The following PCDH11X variants were observed in gnomAD, a reference collection of about 807,000 sequenced individuals.
PCDH11X encodes protocadherin-11 X-linked.
A neutral mutation model predicts 53.3 loss-of-function variants in PCDH11X; 18 were observed. The ratio of observed to expected loss-of-function variants is 0.34; its 90% CI spans 0.23 to 0.50. The LOEUF (loss-of-function observed/expected upper bound fraction) is 0.50. Among genes scored for constraint, PCDH11X ranks in the 20% least tolerant of loss-of-function variants. The pLI is 0.98. For synonymous variants in PCDH11X, 279 were observed against 393.3 expected, an observed-to-expected ratio of 0.71 and a Z score of 3.44; for missense variants, 570 against 1,032.4, an observed-to-expected ratio of 0.55 and a Z score of 6.14.
At chrX:92,465,718 T>C (rs1446654729) in intron 9 of PCDH11X, among the ~76,000 whole-genome samples, 1 of 111,626 alleles carries the variant, frequency 9.0e-6, no homozygotes, top group Non-Finnish European at 1.9e-5. Context: ...AATATGTGTG[T>C]ATGCGATAAT....
At chrX:91,955,099 G>A (rs1324923487) in intron 6 of PCDH11X, among the ~76,000 whole-genome samples, 5 of 111,657 alleles carry the variant, frequency 4.5e-5, no homozygotes, top group Non-Finnish European at 9.4e-5. Flanking sequence ...TTTATATTAA[G>A]TCTTTAATCC....
intron 6 of PCDH11X, among the ~76,000 whole-genome samples, chrX:92,182,201 A>T (rs1281788860): frequency 9.0e-6 from 1 of 111,650 alleles, no homozygotes; most frequent in Non-Finnish European, 1.9e-5. Context: ...GGACATTTAA[A>T]ATTTGACTGA....
chrX:91,785,360 T>C (rs1935301231), intron 1 of PCDH11X, among the ~76,000 whole-genome samples: 1 of 108,133 alleles, frequency 9.2e-6, no homozygotes, highest in African/African-American at 3.4e-5. Flanking sequence ...CATGTCAACA[T>C]ACAGTTACCA....
chrX:92,023,548 A>G lies in PCDH11X; in HGVS notation c.3033+144275A>G, dbSNP rs768756079. Among the ~76,000 whole-genome samples the G allele has an allele frequency of 3.1e-4, 34 of 110,512 alleles. No individual in the cohort carries two copies. In the East Asian group the frequency reaches 8.9e-3, roughly 29 times the overall value. On this transcript the variant is annotated intron_variant, in intron 6 of 10. Coordinates refer to ENST00000682573, the MANE Select transcript of PCDH11X (RefSeq NM_032968.5). ...TAGCCTACCAACCAAAAAAAAGCCCAGGACCAGATAAATTCAAAACTGAAT... is the reference window on the plus strand; with the variant it reads ...TAGCCTACCAACCAAAAAAAAGCCCGGGACCAGATAAATTCAAAACTGAAT...
chrX:92,225,265 A>T, intron 7 of PCDH11X, among the ~76,000 whole-genome samples: 1 of 109,249 alleles, frequency 9.2e-6, no homozygotes, highest in African/African-American at 3.3e-5. Flanking sequence ...TGCTGGTTTA[A>T]TAGTTTTTAG....
chrX:92,475,571 G>T (rs1340513800), intron 10 of PCDH11X, among the ~76,000 whole-genome samples: 1 of 111,819 alleles, frequency 8.9e-6, no homozygotes, highest in Admixed American at 9.5e-5. Flanking sequence ...TATGTTATTT[G>T]TTTGTTTTCT....
At chrX:92,308,860 A>G (rs1603265450) in intron 8 of PCDH11X, among the ~76,000 whole-genome samples, 1 of 110,785 alleles carries the variant, frequency 9.0e-6, no homozygotes, top group East Asian at 2.8e-4. Context: ...TAATATATAA[A>G]TTGCTAATAA....
chrX:92,356,592 G>A (rs1326840200), intron 8 of PCDH11X, among the ~76,000 whole-genome samples: 3 of 76,174 alleles, frequency 3.9e-5, no homozygotes, highest in African/African-American at 1.4e-4. Flanking sequence ...TAATGTGGGT[G>A]GGACTGCCTC....
At chrX:92,160,649 T>C (rs1349533226) in intron 6 of PCDH11X, among the ~76,000 whole-genome samples, 1 of 107,877 alleles carries the variant, frequency 9.3e-6, no homozygotes, top group Non-Finnish European at 1.9e-5. Flanking sequence ...TTCTTTTTTT[T>C]TTTTTTTTAT....
chrX:92,357,081 C>CT (rs937444266), intron 8 of PCDH11X, among the ~76,000 whole-genome samples: 1 of 106,123 alleles, frequency 9.4e-6, no homozygotes, highest in Non-Finnish European at 1.9e-5. Flanking sequence ...GTGGAATGGC[C>CT]TTTTTTATTT....
intron 9 of PCDH11X, among the ~76,000 whole-genome samples, chrX:92,421,817 G>A (rs143366908): frequency 8.9e-6 from 1 of 111,896 alleles, no homozygotes; most frequent in East Asian, 2.8e-4. Context: ...GTGATGCTGA[G>A]CATTTTTCAT....
At chrX:91,844,302 T>TTTTTG (rs762107026) in intron 5 of PCDH11X, among the ~76,000 whole-genome samples, 1 of 110,679 alleles carries the variant, frequency 9.0e-6, no homozygotes, top group African/African-American at 3.3e-5. Context: ...CCTAGTTCAG[T>TTTTTG]TTTTGTTTTG....
rs967887306 is a variant in PCDH11X, at chrX:92,101,734, C to CG, written c.3034-99638dup. Among the ~76,000 whole-genome samples, 36 of 109,957 alleles carry CG rather than the reference C, an allele frequency of 3.3e-4. 1 individual carries two copies. The highest frequency in any genetic ancestry group is 1.9e-4 in the Non-Finnish European group (10 of 52,876). Reference sequence around the variant, plus strand: ...TAAGAGGTATTTTAGTTTCCTGACTCGGGCATGTTGAGTAAAGCTAATTTG... The same window carrying CG: ...TAAGAGGTATTTTAGTTTCCTGACTCGGGGCATGTTGAGTAAAGCTAATTTG... On this transcript the variant is annotated intron_variant, in intron 6 of 10. Transcript: ENST00000682573.
At chrX:91,866,546 G>A (rs1294066514) in intron 5 of PCDH11X, among the ~76,000 whole-genome samples, 1 of 111,341 alleles carries the variant, frequency 9.0e-6, no homozygotes, top group African/African-American at 3.3e-5. Flanking sequence ...CACAATTGCT[G>A]TATTCTTCCT....
intron 10 of PCDH11X, among the ~76,000 whole-genome samples, chrX:92,585,537 A>AT (rs1485816331): frequency 8.8e-4 from 95 of 108,135 alleles, no homozygotes; most frequent in Non-Finnish European, 1.7e-4. Context: ...AGCCTAGCTA[A>AT]TTTTTTGTAT....
chrX:92,341,702 G>A (rs981183802), intron 8 of PCDH11X, among the ~76,000 whole-genome samples: 9 of 111,025 alleles, frequency 8.1e-5, no homozygotes, highest in Non-Finnish European at 1.7e-4. Flanking sequence ...TAAACCATTC[G>A]TGAGTCGTCC....
intron 9 of PCDH11X, among the ~76,000 whole-genome samples, chrX:92,411,209 C>T (rs1220759506): frequency 1.8e-5 from 2 of 110,216 alleles, no homozygotes; most frequent in Admixed American, 9.7e-5. Context: ...TATAAATACA[C>T]ATTAACGTTA....
At chrX:92,487,147 G>A (rs1401218535) in intron 10 of PCDH11X, among the ~76,000 whole-genome samples, 1 of 96,483 alleles carries the variant, frequency 1.0e-5, no homozygotes, top group Admixed American at 1.3e-4. Flanking sequence ...CCGCCTCCTG[G>A]ATTCAAGCAA....
intron 6 of PCDH11X, among the ~76,000 whole-genome samples, chrX:91,995,542 G>A (rs2062402376): frequency 9.0e-6 from 1 of 111,402 alleles, no homozygotes; most frequent in African/African-American, 3.3e-5. Context: ...TGGCCTATGT[G>A]TCTGTCTTTA....
Sources: gnomAD v4.1 joint callset for allele counts (sites outside exome capture counted in the v4.1 genomes callset) on GRCh38, gnomAD v4.1.1 for gene constraint, MANE v1.5 for transcripts, NCBI Gene and HGNC (gene_info 2026-07-23, HGNC 2026-07-21) for gene names.